Variants in TTLL9 observed in about 807,000 individuals in gnomAD.
The protein encoded by TTLL9 is tubulin tyrosine ligase like 9.
In TTLL9, 47 loss-of-function variants were observed where a neutral mutation model predicts 65.6. The observed-to-expected ratio is 0.72, with a 90% CI of 0.57 to 0.91. The LOEUF (loss-of-function observed/expected upper bound fraction) is 0.91. Among genes scored for constraint, TTLL9 ranks in the 40% least tolerant of loss-of-function variants. TTLL9 has a pLI of 0.00. For synonymous variants in TTLL9, 179 were observed against 204.8 expected (o/e 0.87, Z 1.07); for missense variants, 537 against 568.8 (o/e 0.94, Z 0.57).
intron 4 of TTLL9, chr20:31,901,126 A>G (rs1010943517): frequency 1.3e-5 from 2 of 152,348 alleles, no homozygotes; most frequent in Admixed American, 1.3e-4. Flanking sequence ...AGTTTAGAAC[A>G]GATGTGGCCA....
chr20:31,924,637 T>G (rs925294262), intron 8 of TTLL9, among the ~76,000 whole-genome samples: 1 of 151,574 alleles, frequency 6.6e-6, no homozygotes, highest in African/African-American at 2.4e-5. Context: ...CAGGCTGGAG[T>G]GCAGGGTCAC....
intron 2 of TTLL9, among the ~76,000 whole-genome samples, chr20:31,876,413 T>TC (rs1201800163): frequency 1.3e-5 from 2 of 152,026 alleles, no homozygotes; most frequent in Non-Finnish European, 2.9e-5. Flanking sequence ...ACCATTGCAC[T>TC]CCAGCCTGGG....
At chr20:31,871,549 T>C (rs1435215765) in intron 2 of TTLL9, among the ~76,000 whole-genome samples, 1 of 152,142 alleles carries the variant, frequency 6.6e-6, no homozygotes, top group Admixed American at 6.5e-5. Context: ...TGACTGGGGA[T>C]TGTGGATAGA....
At position 31,944,123 on chromosome 20, in the gene TTLL9, A is replaced by G; in HGVS notation, c.*1102A>G. On this transcript the variant is annotated 3_prime_UTR_variant, in exon 15 of 15. Coordinates refer to ENST00000535842, the MANE Select transcript of TTLL9 (RefSeq NM_001008409.5). ...AAAGCCAGAAGCCAGGCTACTCTAG[A>G]CCTTCTGCCTTCAGAGCATGAGGAC... 3.3e-6 allele frequency: 1 copy of G among 299,010 alleles called. No homozygotes were observed. Among genetic ancestry groups the G allele is most frequent in the Non-Finnish European group, 6.7e-6 (1 of 148,622 alleles). The allele number at this position is 299,010 out of a possible 1,614,324, so 18.5% of individuals were successfully genotyped here. A position where few individuals can be genotyped will look rare whatever the true frequency, so the allele number is the denominator to read the frequency against.
chr20:31,880,355 C>T (rs2063100453), intron 2 of TTLL9, among the ~76,000 whole-genome samples: 1 of 152,148 alleles, frequency 6.6e-6, no homozygotes, highest in African/African-American at 2.4e-5. Context: ...TCAGTGCCGG[C>T]CAAGGGACAC....
At chr20:31,907,565 T>TA (rs2063575534) in intron 4 of TTLL9, among the ~76,000 whole-genome samples, 1 of 151,640 alleles carries the variant, frequency 6.6e-6, no homozygotes, top group South Asian at 2.1e-4. Context: ...CTACTAAAAA[T>TA]AAAAAATTAG....
At chr20:31,924,866 C>CG in intron 8 of TTLL9, 143 bp from the exon 9 acceptor site, 2 of 897,782 alleles carry the variant, frequency 2.2e-6, no homozygotes, top group East Asian at 5.5e-5. Context: ...CATGAGGCAC[C>CG]GCGCCTAGCC....
chr20:31,938,194 T>C (rs1221616217), intron 13 of TTLL9: 2 of 456,252 alleles, frequency 4.4e-6, no homozygotes, highest in Admixed American at 4.7e-5. Context: ...GTTTGAGGGC[T>C]GATTCTCCTT....
chr20:31,939,130 C>T lies in TTLL9; in HGVS notation c.1119-12C>T, dbSNP rs770234619. On this transcript the variant is annotated splice_polypyrimidine_tract_variant and intron_variant, in intron 13 of 14. Transcript: ENST00000535842. ...CACCTTCATTAACCCTGTGGGCCTCCTTCCTGTCCAGGCTCACGGGAAGGG... is the reference window on the plus strand; with the variant it reads ...CACCTTCATTAACCCTGTGGGCCTCTTTCCTGTCCAGGCTCACGGGAAGGG... 3 of 1,564,126 alleles carry T rather than the reference C, an allele frequency of 1.9e-6. No homozygotes were observed. In the Admixed American group the frequency reaches 5.5e-5, roughly 28 times the overall value.
Position 31,870,939 on chromosome 20 carries a change from GA to G in TTLL9, c.-14del. 1 of 645,416 alleles carries G rather than the reference GA, an allele frequency of 1.5e-6. No individual in the cohort carries two copies. Among genetic ancestry groups the G allele is most frequent in the Non-Finnish European group, 2.8e-6 (1 of 357,062 alleles). 40.0% of individuals were successfully genotyped at this position (645,416 alleles called of 1,614,324 possible). On this transcript the variant is annotated 5_prime_UTR_variant, in exon 1 of 15. It removes the in-frame stop codon of an upstream open reading frame in the 5' UTR. Coordinates refer to ENST00000535842, the MANE Select transcript of TTLL9 (RefSeq NM_001008409.5). This position sits in a 1 kb window ranked among gnomAD's most constrained non-coding sequence, Gnocchi z 6.6. The stretch of plus-strand genomic sequence containing the variant: ...CTCTCTGCTCTTCAGAGTCTGCTTG[GA>G]ACGGGATAAGTGGGTAATTCCTTCC...
At chr20:31,902,041 C>T (rs774265624) in intron 4 of TTLL9, among the ~76,000 whole-genome samples, 76 of 152,170 alleles carry the variant, frequency 5.0e-4, no homozygotes, top group Admixed American at 2.6e-3. Context: ...TTTGATAAGT[C>T]CAAAAAATGT....
At chr20:31,889,322 G>A (rs759264794) in intron 3 of TTLL9, among the ~76,000 whole-genome samples, 3 of 152,100 alleles carry the variant, frequency 2.0e-5, no homozygotes, top group Non-Finnish European at 2.9e-5. Context: ...GTGCAGTGGT[G>A]CGATCATGGC....
chr20:31,936,392 G>C (rs1258688587), intron 12 of TTLL9, among the ~76,000 whole-genome samples: 3 of 151,862 alleles, frequency 2.0e-5, no homozygotes, highest in Non-Finnish European at 4.4e-5. Flanking sequence ...ATGACTTGAG[G>C]CCAGGGGTTC....
At chr20:31,922,189 C>T (rs768048625) in intron 7 of TTLL9, among the ~76,000 whole-genome samples, 3 of 151,468 alleles carry the variant, frequency 2.0e-5, no homozygotes, top group South Asian at 2.1e-4. Flanking sequence ...TGCTTGAACC[C>T]GAGAGGTGGA....
chr20:31,871,162 C>T lies in TTLL9; in HGVS notation c.36C>T (p.Gly12=), dbSNP rs190534425. Residue 12 remains glycine, a synonymous_variant, in exon 2 of 15, where the codon GGC becomes GGT. Coordinates refer to ENST00000535842, the MANE Select transcript of TTLL9 (RefSeq NM_001008409.5). ...VPSREALLGP[G]TTAIRCPKKL... ...CCAGGGAAGCTCTGCTGGGACCAGG[C>T]ACAACTGCCATTAGGTGCCCCAAGA... is the stretch of plus-strand genomic sequence containing the variant. 7.1e-5 allele frequency: 114 copies of T among 1,614,134 alleles called. 1 individual carries two copies. The East Asian group carries it at 2.5e-3, about 35-fold the overall frequency.
At chr20:31,930,735 G>A (rs1028833109) in intron 10 of TTLL9, among the ~76,000 whole-genome samples, 11 of 152,036 alleles carry the variant, frequency 7.2e-5, no homozygotes, top group Non-Finnish European at 1.6e-4. Context: ...TCTAAACTAA[G>A]AAAAGTCTTT....
chr20:31,897,579 C>A (rs1176566902), intron 3 of TTLL9, among the ~76,000 whole-genome samples: 1 of 152,206 alleles, frequency 6.6e-6, no homozygotes, highest in Admixed American at 6.5e-5. Context: ...AGGGGCACTT[C>A]ATTACGGCCA....
At position 31,944,551 on chromosome 20, in the gene TTLL9, C is replaced by G. The variant is rs1600642466; in HGVS notation, c.*1530C>G. ...AAGACACCAGCCTTCCCCTTGCTTT[C>G]CTCACTTGATGTATCTTGGAGCTTG... On this transcript the variant is annotated 3_prime_UTR_variant, in exon 15 of 15. Transcript: ENST00000535842. 6.6e-6 allele frequency: 1 copy of G among 152,440 alleles called. No homozygotes were observed. The highest frequency in any genetic ancestry group is 2.1e-4 in the South Asian group (1 of 4,830). 9.4% of individuals were successfully genotyped at this position (152,440 alleles called of 1,614,324 possible).
In TTLL9 at chr20:31,875,473, T is replaced by G. The variant is rs553931816; in HGVS notation, c.69+4278T>G. 2.0e-3 allele frequency among the ~76,000 whole-genome samples: 301 copies of G among 152,202 alleles called. 1 individual carries two copies. The highest frequency in any genetic ancestry group is 7.1e-3 in the African/African-American group (294 of 41,538). ...TGGAAACCTCGTCTCTCCCCTCTAC[T>G]CCACTCTTTCCTAGTTACTGATCCG... On this transcript the variant is annotated intron_variant, in intron 2 of 14. Coordinates refer to ENST00000535842, the MANE Select transcript of TTLL9 (RefSeq NM_001008409.5).
Sources: allele counts gnomAD v4.1 joint callset (sites outside exome capture counted in the v4.1 genomes callset), GRCh38; gene constraint gnomAD v4.1.1; non-coding constraint Gnocchi (gnomAD v3.1); transcripts MANE v1.5; gene names NCBI Gene and HGNC (gene_info 2026-07-23, HGNC 2026-07-21).